Variants in SLC30A8 observed in about 807,000 individuals in gnomAD.
SLC30A8 encodes solute carrier family 30 member 8, also known as proton-coupled zinc antiporter SLC30A8.
SLC30A8 carries 27 observed loss-of-function variants against 36.9 expected under a neutral mutation model. The observed-to-expected ratio is 0.73, with a 90% CI of 0.54 to 1.01. SLC30A8 has a LOEUF of 1.01. SLC30A8 is among the 50% of genes least tolerant of loss of function. SLC30A8 has a pLI of 0.00. For synonymous variants in SLC30A8, 164 were observed against 172.4 expected (o/e 0.95, Z 0.38); for missense variants, 439 against 452.0 (o/e 0.97, Z 0.26).
At chr8:117,048,972 A>G (rs1817632094) in intron 2 of SLC30A8, among the ~76,000 whole-genome samples, 1 of 152,200 alleles carries the variant, frequency 6.6e-6, no homozygotes, top group Non-Finnish European at 1.5e-5. Context: ...AATTTCTACC[A>G]ATGTTGGCAT....
At chr8:117,018,665 C>A (rs186140561) in intron 1 of SLC30A8, among the ~76,000 whole-genome samples, 1,922 of 51,060 alleles carry the variant, frequency 0.038, 57 homozygotes, top group African/African-American at 0.083. Flanking sequence ...TCTGACTAGC[C>A]CCCCCCCCCC....
intron 1 of SLC30A8, among the ~76,000 whole-genome samples, chr8:117,028,244 A>C (rs1816932863): frequency 6.6e-6 from 1 of 152,216 alleles, no homozygotes; most frequent in Non-Finnish European, 1.5e-5. Flanking sequence ...AATAGGCACA[A>C]AAAATAAAAC....
At chr8:117,063,312 G>A (rs940116178) in intron 2 of SLC30A8, among the ~76,000 whole-genome samples, 8 of 152,004 alleles carry the variant, frequency 5.3e-5, no homozygotes, top group African/African-American at 1.9e-4. Flanking sequence ...AGGATTTTGC[G>A]TGGGTCAGCC....
intron 1 of SLC30A8, among the ~76,000 whole-genome samples, chr8:116,958,147 C>T (rs991638376): frequency 6.6e-6 from 1 of 152,202 alleles, no homozygotes; most frequent in African/African-American, 2.4e-5. Context: ...TTAAGTCATG[C>T]CACGTCAGGG....
intron 1 of SLC30A8, among the ~76,000 whole-genome samples, chr8:116,991,471 A>G (rs1815642169): frequency 6.6e-6 from 1 of 151,934 alleles, no homozygotes; most frequent in African/African-American, 2.4e-5. Flanking sequence ...CACCTGGGTC[A>G]TTTTTGTATT....
At chr8:117,004,913 T>C (rs1011355454) in intron 1 of SLC30A8, among the ~76,000 whole-genome samples, 3 of 152,140 alleles carry the variant, frequency 2.0e-5, no homozygotes, top group Admixed American at 2.0e-4. Flanking sequence ...CAAAGGTTGA[T>C]ATATTTTTCC....
intron 2 of SLC30A8, among the ~76,000 whole-genome samples, chr8:117,072,586 T>C (rs1489247717): frequency 6.6e-6 from 1 of 152,204 alleles, no homozygotes; most frequent in African/African-American, 2.4e-5. Flanking sequence ...TAAGTCCTTT[T>C]TCTGACTTTC....
chr8:117,110,963 GC>G (rs1158287026), intron 2 of SLC30A8, among the ~76,000 whole-genome samples: 2 of 152,058 alleles, frequency 1.3e-5, no homozygotes, highest in African/African-American at 4.8e-5. Context: ...TGAAAAGGTA[GC>G]CAGGTAACAT....
At chr8:117,021,485 A>G in intron 1 of SLC30A8, among the ~76,000 whole-genome samples, 1 of 152,208 alleles carries the variant, frequency 6.6e-6, no homozygotes. Context: ...ATTGAAGGAG[A>G]TTAAAGAATA....
intron 2 of SLC30A8, among the ~76,000 whole-genome samples, chr8:117,061,429 A>G (rs542467687): frequency 4.6e-5 from 7 of 152,376 alleles, no homozygotes; most frequent in African/African-American, 1.7e-4. Context: ...TCACATGCCA[A>G]GGTTTTTGCT....
At chr8:117,052,929 C>A (rs566391183) in intron 2 of SLC30A8, among the ~76,000 whole-genome samples, 1 of 144,650 alleles carries the variant, frequency 6.9e-6, no homozygotes, top group Non-Finnish European at 1.5e-5. Context: ...TTTATTGAGA[C>A]GAAATCTCGT....
chr8:117,171,163 C>CT lies in SLC30A8; in HGVS notation c.960dup (p.Thr321TyrfsTer16), dbSNP rs765152682. The CT allele has an allele frequency of 6.2e-7, 1 of 1,613,460 alleles. No homozygotes were observed. Among genetic ancestry groups the CT allele is most frequent in the Non-Finnish European group, 8.5e-7 (1 of 1,179,562 alleles). On this transcript the variant is annotated frameshift_variant, in exon 7 of 8. Transcript: ENST00000456015. LOFTEE classifies it high-confidence loss of function. The stretch of plus-strand genomic sequence containing the variant: ...CAAGTAATTCTCTCAGCTCATGTTG[C>CT]TACAGGTCAGTGAGTTTTGTAAACA...
chr8:117,042,687 T>A (rs926401825), intron 2 of SLC30A8, among the ~76,000 whole-genome samples: 1 of 151,742 alleles, frequency 6.6e-6, no homozygotes, highest in Non-Finnish European at 1.5e-5. Flanking sequence ...TTTTTTTTTT[T>A]AGAAGGAGTT....
chr8:116,972,377 G>A (rs951808334), intron 1 of SLC30A8, among the ~76,000 whole-genome samples: 16 of 152,186 alleles, frequency 1.1e-4, no homozygotes, highest in African/African-American at 2.9e-4. Context: ...TTATTAAATC[G>A]ATGCAGAGAA....
At chr8:117,130,908 T>TC (rs1478886619), upstream of SLC30A8, among the ~76,000 whole-genome samples, 1 of 151,928 alleles carries the variant, frequency 6.6e-6, no homozygotes, top group Non-Finnish European at 1.5e-5. Context: ...CCAATATTTC[T>TC]CCCCCCAAAA....
chr8:117,123,381 T>A (rs187229898), intron 2 of SLC30A8, among the ~76,000 whole-genome samples: 223 of 152,122 alleles, frequency 1.5e-3, no homozygotes, highest in South Asian at 5.4e-3. Context: ...GACATTTACA[T>A]AAACAGGCTA....
chr8:117,147,296 GA>G, intron 2 of SLC30A8, 143 bp downstream of exon 2: 1 of 690,426 alleles, frequency 1.4e-6, no homozygotes, highest in Non-Finnish European at 2.4e-6. Context: ...TAGATAAGCT[GA>G]AAAATAGAAG....
chr8:116,984,437 G>A (rs1254163410), intron 1 of SLC30A8, among the ~76,000 whole-genome samples: 1 of 152,086 alleles, frequency 6.6e-6, no homozygotes, highest in East Asian at 1.9e-4. Context: ...CAATATATGA[G>A]TGACTCAGTT....
At chr8:116,999,308 T>TAGA (rs1158219262) in intron 1 of SLC30A8, among the ~76,000 whole-genome samples, 1 of 148,378 alleles carries the variant, frequency 6.7e-6, no homozygotes, top group Non-Finnish European at 1.5e-5. Flanking sequence ...ACACCTCCTT[T>TAGA]AGAAGACCTG....
Sources: gnomAD v4.1 joint callset for allele counts (sites outside exome capture counted in the v4.1 genomes callset) on GRCh38, gnomAD v4.1.1 for gene constraint, MANE v1.5 for transcripts, NCBI Gene and HGNC (gene_info 2026-07-23, HGNC 2026-07-21) for gene names.